ATP10A: variants seen among roughly 807,000 people sequenced by gnomAD.
The protein encoded by ATP10A is phospholipid-transporting ATPase VA.
A neutral mutation model predicts 147.8 loss-of-function variants in ATP10A; 111 were observed. The observed-to-expected ratio is 0.75, with a 90% CI of 0.64 to 0.88. The LOEUF (loss-of-function observed/expected upper bound fraction) is 0.88. ATP10A is among the 40% of genes least tolerant of loss of function. The pLI is 0.00. For missense variants in ATP10A, 1,927 were observed against 1,959.0 expected (o/e 0.98, Z 0.31); for synonymous variants, 875 against 841.6 (o/e 1.04, Z -0.69).
chr15:25,799,538 T>A (rs1433898952), intron 1 of ATP10A, among the ~76,000 whole-genome samples: 1 of 151,634 alleles, frequency 6.6e-6, no homozygotes, highest in African/African-American at 2.4e-5. Context: ...AAAAACAAAG[T>A]TAAACTAAAT....
chr15:25,727,460 AC>A (rs1902650676), intron 3 of ATP10A, among the ~76,000 whole-genome samples, 194 bp from the exon 4 acceptor site: 1 of 152,004 alleles, frequency 6.6e-6, no homozygotes, highest in Non-Finnish European at 1.5e-5. Context: ...CTGAGACAGA[AC>A]TGCTGTTCAC....
chr15:25,687,804 C>T lies in ATP10A; in HGVS notation c.3190G>A (p.Val1064Met), dbSNP rs376851781. 6.2e-6 allele frequency: 10 copies of T among 1,613,940 alleles called. No homozygotes were observed. The Admixed American group carries it at 6.7e-5, about 11-fold the overall frequency. ...MQAVMASDFA[V>M]PKFRYLERLL... ...CTCTCCAGGTATCGGAATTTCGGCA[C>T]TGCAAAGTCGCTGGCCATCACTGCC... Residue 1064 changes from valine to methionine, a missense_variant, in exon 16 of 21, where the codon GTG becomes ATG. Coordinates refer to ENST00000555815, the MANE Select transcript of ATP10A (RefSeq NM_024490.4).
chr15:25,716,962 T>C, intron 8 of ATP10A, 38 bp from the exon 9 acceptor site: 2 of 1,480,774 alleles, frequency 1.4e-6, no homozygotes, highest in Admixed American at 2.3e-5. Context: ...TCCCACCCAG[T>C]AGCCTGCCGA....
chr15:25,851,628 T>G (rs1232339143), intron 1 of ATP10A, among the ~76,000 whole-genome samples: 2 of 152,220 alleles, frequency 1.3e-5, no homozygotes, highest in East Asian at 3.9e-4. Flanking sequence ...AGAGGGTATC[T>G]CTGGATCCTT....
At chr15:25,694,798 C>G in intron 14 of ATP10A, 21 bp downstream of exon 14, 1 of 1,584,764 alleles carries the variant, frequency 6.3e-7, no homozygotes. Context: ...AGGAGGCCGT[C>G]TGGCCAGCTG....
At chr15:25,718,149 G>C in intron 8 of ATP10A, 33 bp downstream of exon 8, 1 of 1,595,312 alleles carries the variant, frequency 6.3e-7, no homozygotes, top group South Asian at 1.1e-5. Context: ...AAGAGACGTG[G>C]CAGCACCCTA....
chr15:25,827,701 G>C lies in ATP10A; in HGVS notation c.449+34947C>G, dbSNP rs535252920. ...ATGGCACACAAGCAAATATCTATTTGACAAAAAAGGCGGCAGTAATGGAGG... is the reference window on the plus strand; with the variant it reads ...ATGGCACACAAGCAAATATCTATTTCACAAAAAAGGCGGCAGTAATGGAGG... On this transcript the variant is annotated intron_variant, in intron 1 of 20. Transcript: ENST00000555815. Among the ~76,000 whole-genome samples the C allele has an allele frequency of 1.6e-4, 25 of 152,202 alleles. No individual in the cohort carries two copies. The East Asian group carries it at 4.8e-3, about 29-fold the overall frequency.
chr15:25,727,062 A>T, intron 4 of ATP10A, 98 bp downstream of exon 4: 1 of 1,071,268 alleles, frequency 9.3e-7, no homozygotes, highest in Non-Finnish European at 1.4e-6. Context: ...TCTCAAAAAA[A>T]AAAAATGAAA....
chr15:25,759,598 G>A (rs1433697557), intron 2 of ATP10A, among the ~76,000 whole-genome samples: 1 of 152,042 alleles, frequency 6.6e-6, no homozygotes, highest in African/African-American at 2.4e-5. Context: ...TTGAGACCAA[G>A]AGTTCGAGAT....
chr15:25,840,845 G>A (rs749364812), intron 1 of ATP10A, among the ~76,000 whole-genome samples: 62 of 152,164 alleles, frequency 4.1e-4, no homozygotes, highest in Non-Finnish European at 7.2e-4. Context: ...CATTCTGATA[G>A]ATGCGCAGTG....
intron 6 of ATP10A, among the ~76,000 whole-genome samples, chr15:25,723,091 G>A (rs1596759504): frequency 6.6e-6 from 1 of 152,156 alleles, no homozygotes; most frequent in Non-Finnish European, 1.5e-5. Flanking sequence ...GCTCATGCCT[G>A]TCATCCTAGC....
intron 15 of ATP10A, among the ~76,000 whole-genome samples, chr15:25,689,587 T>A (rs985146820): frequency 8.5e-5 from 13 of 152,220 alleles, no homozygotes; most frequent in African/African-American, 3.1e-4. Context: ...AGGGTCCCAG[T>A]GCTGGAAAAC....
chr15:25,838,665 A>G (rs746146122), intron 1 of ATP10A, among the ~76,000 whole-genome samples: 1 of 152,176 alleles, frequency 6.6e-6, no homozygotes, highest in Non-Finnish European at 1.5e-5. Context: ...TAAACTCACT[A>G]TGCAACAGAG....
chr15:25,814,425 C>T (rs1231362967), intron 1 of ATP10A, among the ~76,000 whole-genome samples: 3 of 152,188 alleles, frequency 2.0e-5, no homozygotes, highest in South Asian at 2.1e-4. Flanking sequence ...ACAAAATCTG[C>T]GTGTACACAA....
chr15:25,747,996 G>A (rs922461251), intron 2 of ATP10A, among the ~76,000 whole-genome samples: 18 of 151,122 alleles, frequency 1.2e-4, no homozygotes, highest in Non-Finnish European at 2.4e-4. Flanking sequence ...ACGGAGTCTC[G>A]CTCTGTCGCC....
chr15:25,738,060 T>G (rs1567345843), intron 2 of ATP10A, among the ~76,000 whole-genome samples: 1 of 152,220 alleles, frequency 6.6e-6, no homozygotes, highest in African/African-American at 2.4e-5. Context: ...GTTTCTCATT[T>G]AAAAAGCATT....
chr15:25,827,993 T>C (rs1175230270), intron 1 of ATP10A, among the ~76,000 whole-genome samples: 1 of 152,174 alleles, frequency 6.6e-6, no homozygotes. Context: ...AAGAGCTGAA[T>C]TGGCTATGTT....
intron 9 of ATP10A, among the ~76,000 whole-genome samples, chr15:25,716,137 GCCCCATAAATCCT>G (rs898315514): frequency 2.0e-5 from 3 of 152,216 alleles, no homozygotes; most frequent in Non-Finnish European, 4.4e-5. Flanking sequence ...AATCTTCGAT[GCCCCATAAATCCT>G]CCCCATGGCC....
chr15:25,774,785 C>A (rs1889527012), intron 2 of ATP10A, among the ~76,000 whole-genome samples: 1 of 152,038 alleles, frequency 6.6e-6, no homozygotes, highest in Non-Finnish European at 1.5e-5. Flanking sequence ...ATCATATTAC[C>A]TACAGAACTG....
Sources: gnomAD v4.1 joint callset for allele counts (sites outside exome capture counted in the v4.1 genomes callset) on GRCh38, gnomAD v4.1.1 for gene constraint, MANE v1.5 for transcripts, NCBI Gene and HGNC (gene_info 2026-07-23, HGNC 2026-07-21) for gene names.